PARD3: variants seen among roughly 807,000 people sequenced by gnomAD.
The protein encoded by PARD3 is par-3 family cell polarity regulator.
Under a neutral mutation model 155.4 loss-of-function variants are expected in PARD3, and 75 were observed. The ratio of observed to expected loss-of-function variants is 0.48; its 90% CI spans 0.40 to 0.58. The LOEUF is 0.58. PARD3 is among the 20% of genes least tolerant of loss of function. The pLI is 0.00. For missense variants in PARD3, 1,642 were observed against 1,721.7 expected (o/e 0.95, Z 0.82); for synonymous variants, 576 against 610.5 (o/e 0.94, Z 0.83).
At chr10:34,135,367 T>C (rs1232950854) in intron 22 of PARD3, among the ~76,000 whole-genome samples, 4 of 152,214 alleles carry the variant, frequency 2.6e-5, no homozygotes, top group Non-Finnish European at 5.9e-5. Flanking sequence ...ATCTGGGTTT[T>C]GGTTTTTGTT....
rs948849584 is a variant in PARD3 at position 34,327,384 on chromosome 10, G to T, written c.2833+3733C>A. 1.1e-4 allele frequency among the ~76,000 whole-genome samples: 17 copies of T among 152,270 alleles called. No individual in the cohort carries two copies. In the South Asian group the frequency reaches 2.5e-3, roughly 22 times the overall value. ...AATGTAAGTGCTGCAGAAGATGACAGATACCAGATACCACATGGATCCCAC... is the reference window on the plus strand; with the variant it reads ...AATGTAAGTGCTGCAGAAGATGACATATACCAGATACCACATGGATCCCAC... On this transcript the variant is annotated intron_variant, in intron 19 of 24. Transcript: ENST00000374788.
chr10:34,172,067 C>G (rs571841235), intron 22 of PARD3, among the ~76,000 whole-genome samples: 1 of 151,488 alleles, frequency 6.6e-6, no homozygotes, highest in South Asian at 2.1e-4. Context: ...AATCTCTCTA[C>G]CCTTGTGAAA....
At chr10:34,475,363 A>G (rs1469855474) in intron 3 of PARD3, among the ~76,000 whole-genome samples, 1 of 152,216 alleles carries the variant, frequency 6.6e-6, no homozygotes, top group Non-Finnish European at 1.5e-5. Flanking sequence ...CTGCCATATG[A>G]AAAAGTATAT....
At chr10:34,506,721 G>A (rs941057611) in intron 3 of PARD3, among the ~76,000 whole-genome samples, 5 of 152,182 alleles carry the variant, frequency 3.3e-5, no homozygotes, top group African/African-American at 4.8e-5. Context: ...TATCTTGTTC[G>A]TGTTTTATGG....
At chr10:34,215,401 T>A (rs1450750643) in intron 22 of PARD3, among the ~76,000 whole-genome samples, 3 of 152,206 alleles carry the variant, frequency 2.0e-5, no homozygotes, top group Non-Finnish European at 4.4e-5. Context: ...GAAAAATACA[T>A]AAAATGTCAT....
At chr10:34,662,687 C>T (rs1043331582) in intron 2 of PARD3, among the ~76,000 whole-genome samples, 3 of 152,106 alleles carry the variant, frequency 2.0e-5, no homozygotes, top group African/African-American at 7.2e-5. Context: ...GCCTGGCCAA[C>T]ATGGTGAAAC....
intron 1 of PARD3, among the ~76,000 whole-genome samples, chr10:34,707,943 A>G (rs1386546730): frequency 6.6e-6 from 1 of 152,208 alleles, no homozygotes; most frequent in Non-Finnish European, 1.5e-5. Context: ...ATTTTTATGC[A>G]ACAAACAAAA....
chr10:34,490,410 C>G (rs1424299968), intron 3 of PARD3, among the ~76,000 whole-genome samples: 6 of 150,898 alleles, frequency 4.0e-5, no homozygotes, highest in Admixed American at 6.6e-5. Flanking sequence ...GAGAGAGAGA[C>G]AGAGGGAGAG....
rs5784409 is a variant in PARD3 at position 34,303,162 on chromosome 10, A to ATTTTTTTTTTTTT, written c.3065+13932_3065+13944dup. Reference sequence around the variant, plus strand: ...AGAATTTATTTTACTGCCCAGGTGAATTTTTTTTTTTTTTTTTTTTGTGCA... The same window carrying ATTTTTTTTTTTTT: ...AGAATTTATTTTACTGCCCAGGTGAATTTTTTTTTTTTTTTTTTTTTTTTTTTTTTTTTGTGCA... On this transcript the variant is annotated intron_variant, in intron 20 of 24. Coordinates refer to ENST00000374788, the MANE Select transcript of PARD3 (RefSeq NM_001184785.2). Among the ~76,000 whole-genome samples, 398 of 131,824 alleles carry ATTTTTTTTTTTTT rather than the reference A, an allele frequency of 3.0e-3. 12 individuals are homozygous for ATTTTTTTTTTTTT. Among genetic ancestry groups the ATTTTTTTTTTTTT allele is most frequent in the African/African-American group, 9.9e-3 (332 of 33,396 alleles). The allele number at this position is 131,824 out of a possible 152,430, so 86.5% of individuals were successfully genotyped here.
At chr10:34,563,138 A>T (rs184395235) in intron 2 of PARD3, among the ~76,000 whole-genome samples, 43 of 152,276 alleles carry the variant, frequency 2.8e-4, no homozygotes, top group African/African-American at 1.0e-3. Context: ...CTCTATACTA[A>T]CCATAACACT....
At chr10:34,602,136 T>A (rs999626625) in intron 2 of PARD3, among the ~76,000 whole-genome samples, 3 of 152,234 alleles carry the variant, frequency 2.0e-5, no homozygotes, top group African/African-American at 7.2e-5. Context: ...ATGGCAGAGA[T>A]AAATTCTGAG....
intron 22 of PARD3, among the ~76,000 whole-genome samples, chr10:34,264,649 C>T (rs1297135057): frequency 6.6e-6 from 1 of 152,090 alleles, no homozygotes; most frequent in Admixed American, 6.5e-5. Flanking sequence ...GTACACTCCT[C>T]ACTTAGGAGT....
chr10:34,633,335 C>A (rs2092345416), intron 2 of PARD3, among the ~76,000 whole-genome samples: 1 of 151,864 alleles, frequency 6.6e-6, no homozygotes, highest in Non-Finnish European at 1.5e-5. Context: ...GTTACGATCT[C>A]CCCAACCCCC....
intron 1 of PARD3, among the ~76,000 whole-genome samples, chr10:34,809,977 C>T (rs924344439): frequency 6.6e-6 from 1 of 151,804 alleles, no homozygotes; most frequent in Admixed American, 6.6e-5. Flanking sequence ...CAGAAAAATT[C>T]CATACCAACC....
chr10:34,337,558 T>C (rs1416306030), intron 16 of PARD3, 132 bp from the exon 17 acceptor site: 7 of 419,294 alleles, frequency 1.7e-5, no homozygotes, highest in African/African-American at 1.4e-4. Flanking sequence ...AACTAAATAA[T>C]ACAAATACAG....
chr10:34,388,915 A>G (rs1304394988), intron 7 of PARD3, among the ~76,000 whole-genome samples: 2 of 152,178 alleles, frequency 1.3e-5, no homozygotes, highest in Non-Finnish European at 2.9e-5. Flanking sequence ...AGAGTTGGGC[A>G]TTTATTAGTG....
intron 3 of PARD3, among the ~76,000 whole-genome samples, chr10:34,477,476 A>C (rs965539386): frequency 1.3e-5 from 2 of 152,216 alleles, no homozygotes; most frequent in African/African-American, 2.4e-5. Context: ...AACAGCAATA[A>C]ACCTTCATCA....
In PARD3 at chr10:34,378,001, T is replaced by A; in HGVS notation, c.1505A>T (p.Asp502Val). The A allele has an allele frequency of 6.3e-7, 1 of 1,589,556 alleles. No individual in the cohort carries two copies. Among genetic ancestry groups the A allele is most frequent in the Non-Finnish European group, 8.5e-7 (1 of 1,170,656 alleles). The stretch of plus-strand genomic sequence containing the variant: ...TCTGTCTCCTGCCTTAAGTCGGCCA[T>A]CCTGAATGGCCGCCCCCCGGGGGAG... The part of the protein sequence containing the change: ...NILPRGAAIQ[D>V]GRLKAGDRLI... The change falls in exon 10 of 25, where the codon GAT becomes GTT. Residue 502 changes from aspartate (D) to valine (V), a missense_variant. By Grantham distance (152) the Asp-to-Val change is radical. Coordinates refer to ENST00000374788, the MANE Select transcript of PARD3 (RefSeq NM_001184785.2).
chr10:34,305,597 T>C (rs1957366607), intron 20 of PARD3, among the ~76,000 whole-genome samples: 1 of 152,204 alleles, frequency 6.6e-6, no homozygotes, highest in African/African-American at 2.4e-5. Flanking sequence ...AACTATACAA[T>C]CCTCAGCCTG....
Sources: allele counts gnomAD v4.1 joint callset (sites outside exome capture counted in the v4.1 genomes callset), GRCh38; gene constraint gnomAD v4.1.1; transcripts MANE v1.5; gene names NCBI Gene and HGNC (gene_info 2026-07-23, HGNC 2026-07-21).